Variants in FLYWCH1 observed in about 807,000 individuals in gnomAD.
The protein encoded by FLYWCH1 is FLYWCH-type zinc finger-containing protein 1.
Under a neutral mutation model 66.4 loss-of-function variants are expected in FLYWCH1, and 75 were observed. That is an observed-to-expected ratio of 1.13 (90% CI 0.94 to 1.37). The LOEUF (loss-of-function observed/expected upper bound fraction) is 1.37, where lower values mean the gene tolerates loss of function less well. Ranked by LOEUF, FLYWCH1 falls within the 40% of genes most tolerant of loss-of-function variation. The pLI, the probability that FLYWCH1 is intolerant of heterozygous loss-of-function variation, is 0.00. For synonymous variants in FLYWCH1, 595 were observed against 429.9 expected (o/e 1.38, Z -4.75); for missense variants, 1,334 against 1,001.8 (o/e 1.33, Z -4.48).
chr16:2,939,541 T>TCTC (rs2071172901), intron 8 of FLYWCH1, among the ~76,000 whole-genome samples: 2 of 141,198 alleles, frequency 1.4e-5, no homozygotes, highest in African/African-American at 5.0e-5. Context: ...TGAAACCCTG[T>TCTC]CTCTAAAAAA....
At position 2,930,726 on chromosome 16, in the gene FLYWCH1, G is replaced by C. The variant is rs2070732658; in HGVS notation, c.642G>C (p.Glu214Asp). 1 of 1,549,938 alleles carries C rather than the reference G, an allele frequency of 6.5e-7. No individual in the cohort carries two copies. Among genetic ancestry groups the C allele is most frequent in the Admixed American group, 1.9e-5 (1 of 51,538 alleles). The change falls in exon 4 of 10, where the codon GAG (glutamate) becomes GAC (aspartate). Residue 214 changes from glutamate to aspartate, a missense_variant. Coordinates refer to ENST00000253928, the MANE Select transcript of FLYWCH1 (RefSeq NM_001308068.2). ...GPEGPGGRVEEPLEGVGPWQC... is the reference protein window; with the variant it reads ...GPEGPGGRVEDPLEGVGPWQC... ...AGGGCCCTGGAGGCCGAGTGGAGGA[G>C]CCCCTGGAGGGGGTGGGCCCGTGGC... is the stretch of plus-strand genomic sequence containing the variant.
At chr16:2,942,127 A>G (rs889182051) in intron 9 of FLYWCH1, among the ~76,000 whole-genome samples, 1 of 152,082 alleles carries the variant, frequency 6.6e-6, no homozygotes, top group Non-Finnish European at 1.5e-5. Flanking sequence ...CAGATCAAAA[A>G]AATTGAAAAG....
chr16:2,946,316 CTTTTTTTTTTTT>C (rs58279573), intron 9 of FLYWCH1, among the ~76,000 whole-genome samples: 4 of 75,532 alleles, frequency 5.3e-5, no homozygotes, highest in South Asian at 9.9e-4. Flanking sequence ...GTGGGCTGTA[CTTTTTTTTTTTT>C]TTTTTTTTTT....
rs1402365084 is a variant in FLYWCH1 at position 2,938,343 on chromosome 16, A to G, written c.1937A>G (p.Gln646Arg). 6.2e-7 allele frequency: 1 copy of G among 1,604,258 alleles called. No individual in the cohort carries two copies. Among genetic ancestry groups the G allele is most frequent in the African/African-American group, 1.3e-5 (1 of 74,868 alleles). The change falls in exon 8 of 10, where the codon CAG (glutamine) becomes CGG (arginine). Residue 646 changes from glutamine (Q) to arginine (R), a missense_variant. By Grantham distance (43) the Gln-to-Arg change is conservative (BLOSUM62 1). Transcript: ENST00000253928. Reference protein sequence around the residue: ...RLGCRSRAITQGHRIMVMRSH... With the variant: ...RLGCRSRAITRGHRIMVMRSH... Reference sequence around the variant, plus strand: ...GGCTGCCGCAGCCGCGCCATAACCCAGGGCCACCGCATCATGGTCATGCGC... The same window carrying G: ...GGCTGCCGCAGCCGCGCCATAACCCGGGGCCACCGCATCATGGTCATGCGC...
Position 2,929,767 on chromosome 16 carries a change from G to C in FLYWCH1, c.82G>C (p.Val28Leu). The C allele has an allele frequency of 6.2e-7, 1 of 1,613,874 alleles. No homozygotes were observed. Among genetic ancestry groups the C allele is most frequent in the Non-Finnish European group, 8.5e-7 (1 of 1,179,874 alleles). ...GCCATCCCCCAAGCCAGGCACGGAC[G>C]TCATCCCGGCAGCCCCCAGGAAGCC... is the stretch of plus-strand genomic sequence containing the variant. ...QEPSPKPGTD[V>L]IPAAPRKPRE... Residue 28 changes from valine to leucine, a missense_variant, in exon 3 of 10, where the codon GTC becomes CTC. Coordinates refer to ENST00000253928, the MANE Select transcript of FLYWCH1 (RefSeq NM_001308068.2).
At chr16:2,914,642 T>C (rs564835860) in intron 2 of FLYWCH1, among the ~76,000 whole-genome samples, 2 of 152,250 alleles carry the variant, frequency 1.3e-5, no homozygotes, top group South Asian at 4.1e-4. Flanking sequence ...TTCACGTCTG[T>C]AATCCCAGCA....
intron 9 of FLYWCH1, among the ~76,000 whole-genome samples, chr16:2,944,600 A>T (rs1596403118): frequency 6.6e-6 from 1 of 152,224 alleles, no homozygotes; most frequent in East Asian, 1.9e-4. Flanking sequence ...AGGCAGGCAG[A>T]TCCCCTGAGG....
chr16:2,940,201 G>A, intron 9 of FLYWCH1, 109 bp downstream of exon 9: 1 of 660,150 alleles, frequency 1.5e-6, no homozygotes, highest in Non-Finnish European at 2.8e-6. Flanking sequence ...CATTATGGGA[G>A]TGGTTGGGCT....
chr16:2,939,133 A>T (rs1199410471), intron 8 of FLYWCH1, among the ~76,000 whole-genome samples: 1 of 152,042 alleles, frequency 6.6e-6, no homozygotes, highest in Non-Finnish European at 1.5e-5. Context: ...ATTAAGGGCC[A>T]TGTCCTGTAT....
At chr16:2,945,992 A>G (rs1029911150) in intron 9 of FLYWCH1, among the ~76,000 whole-genome samples, 1 of 151,826 alleles carries the variant, frequency 6.6e-6, no homozygotes. Flanking sequence ...GCGAGACTCC[A>G]TGTCAAAAAA....
chr16:2,931,188 A>G (rs1287799630), intron 4 of FLYWCH1, among the ~76,000 whole-genome samples: 2 of 151,442 alleles, frequency 1.3e-5, no homozygotes, highest in Non-Finnish European at 2.9e-5. Flanking sequence ...CTGTAATCCC[A>G]GCTACTCAGG....
chr16:2,924,709 T>C (rs1596363085), intron 2 of FLYWCH1, among the ~76,000 whole-genome samples: 1 of 152,190 alleles, frequency 6.6e-6, no homozygotes, highest in Admixed American at 6.5e-5. Flanking sequence ...CAAAGCCCGG[T>C]TGCTGAGGGG....
intron 2 of FLYWCH1, among the ~76,000 whole-genome samples, chr16:2,928,636 C>T (rs1297711411): frequency 6.6e-6 from 1 of 152,200 alleles, no homozygotes; most frequent in Non-Finnish European, 1.5e-5. Flanking sequence ...AGCAATTTTT[C>T]TTCGTACAGA....
chr16:2,931,973 C>G (rs760783641), intron 4 of FLYWCH1, among the ~76,000 whole-genome samples: 3 of 152,064 alleles, frequency 2.0e-5, no homozygotes, highest in Admixed American at 6.6e-5. Flanking sequence ...AAAAGATTAG[C>G]CAGGCGTGGT....
chr16:2,936,064 C>T (rs547426828), intron 6 of FLYWCH1: 9 of 250,754 alleles, frequency 3.6e-5, no homozygotes, highest in South Asian at 2.9e-4. Flanking sequence ...TGCACACCAC[C>T]ACGCCCAGCT....
rs372309378 is a variant in FLYWCH1 at position 2,948,770 on chromosome 16, G to A, written c.*43G>A. 53 of 1,598,952 alleles carry A rather than the reference G, an allele frequency of 3.3e-5. No individual in the cohort carries two copies. The highest frequency in any genetic ancestry group is 8.4e-5 in the Admixed American group (5 of 59,876). ...AGCTCCGAGCCGCCCACCCAAGGTG[G>A]CTTCACATCCACACAGGCACTTCCC... On this transcript the variant is annotated 3_prime_UTR_variant, in exon 10 of 10. Coordinates refer to ENST00000253928, the MANE Select transcript of FLYWCH1 (RefSeq NM_001308068.2).
chr16:2,937,611 C>A (rs932022467), intron 7 of FLYWCH1, among the ~76,000 whole-genome samples: 2 of 152,146 alleles, frequency 1.3e-5, no homozygotes, highest in Non-Finnish European at 2.9e-5. Context: ...CCACTCAGCT[C>A]TCTAGAGGAA....
At chr16:2,936,751 G>A (rs865774266) in intron 6 of FLYWCH1, 14 of 488,678 alleles carry the variant, frequency 2.9e-5, no homozygotes, top group Middle Eastern at 6.1e-4. Flanking sequence ...GAGCAGCTTT[G>A]TCCCCAGAGG....
chr16:2,922,390 C>G (rs945885385), intron 2 of FLYWCH1: 2 of 186,860 alleles, frequency 1.1e-5, no homozygotes, highest in Non-Finnish European at 2.2e-5. Flanking sequence ...GGTTCACATT[C>G]ATTGTTCATC....
Sources: allele counts gnomAD v4.1 joint callset (sites outside exome capture counted in the v4.1 genomes callset), GRCh38; gene constraint gnomAD v4.1.1; transcripts MANE v1.5; gene names NCBI Gene and HGNC (gene_info 2026-07-23, HGNC 2026-07-21).